The following GIGYF2 variants were observed in gnomAD, a reference collection of about 807,000 sequenced individuals.
GIGYF2 encodes GRB10-interacting GYF protein 2.
Under a neutral mutation model 208.1 loss-of-function variants are expected in GIGYF2, and 25 were observed. The ratio of observed to expected loss-of-function variants is 0.12; its 90% CI spans 0.09 to 0.17. The LOEUF is 0.17. Ranked by LOEUF, GIGYF2 falls within the 10% of genes least tolerant of loss-of-function variation. The probability of loss-of-function intolerance (pLI) is 1.00; values close to 1 mark genes in which losing one functional copy is unlikely to be tolerated. For missense variants in GIGYF2, 1,302 were observed against 1,579.4 expected (o/e 0.82, Z 2.98); for synonymous variants, 534 against 543.8 (o/e 0.98, Z 0.25).
chr2:232,821,243 C>T (rs968162065), intron 21 of GIGYF2, among the ~76,000 whole-genome samples: 1 of 152,200 alleles, frequency 6.6e-6, no homozygotes, highest in African/African-American at 2.4e-5. Flanking sequence ...CGCTCTGTTG[C>T]CCAGGCTGGA....
intron 2 of GIGYF2, among the ~76,000 whole-genome samples, chr2:232,710,950 C>T (rs1276139577): frequency 6.6e-6 from 1 of 151,924 alleles, no homozygotes; most frequent in Non-Finnish European, 1.5e-5. Context: ...ATCCACCCAC[C>T]TCAGCCTCCC....
At chr2:232,721,733 C>T (rs561279984) in intron 2 of GIGYF2, among the ~76,000 whole-genome samples, 2 of 152,284 alleles carry the variant, frequency 1.3e-5, no homozygotes, top group African/African-American at 4.8e-5. Flanking sequence ...ATGCATCTCT[C>T]TTCCCTTCCT....
intron 21 of GIGYF2, 70 bp from the exon 22 acceptor site, chr2:232,832,787 A>G: frequency 8.4e-7 from 1 of 1,193,640 alleles, no homozygotes; most frequent in East Asian, 2.5e-5. Context: ...AGAAGCTTTC[A>G]AAAGTGAGTC....
intron 2 of GIGYF2, among the ~76,000 whole-genome samples, chr2:232,720,583 A>ATATATATTT (rs376956632): frequency 1.0e-4 from 15 of 144,918 alleles, no homozygotes; most frequent in East Asian, 4.1e-4. Context: ...ATATATATAT[A>ATATATATTT]TTTTTGTTTG....
chr2:232,800,441 G>T (rs1700361736), intron 14 of GIGYF2, among the ~76,000 whole-genome samples: 1 of 151,866 alleles, frequency 6.6e-6, no homozygotes, highest in Admixed American at 6.5e-5. Context: ...ATGTACTCTG[G>T]TTCATTTTGG....
intron 14 of GIGYF2, among the ~76,000 whole-genome samples, chr2:232,799,427 G>A (rs1700323417): frequency 6.6e-6 from 1 of 151,752 alleles, no homozygotes; most frequent in Admixed American, 6.6e-5. Flanking sequence ...GTGTGTGCCT[G>A]TAGTCCCAAC....
At chr2:232,824,287 A>C (rs1271191949) in intron 21 of GIGYF2, among the ~76,000 whole-genome samples, 1 of 152,242 alleles carries the variant, frequency 6.6e-6, no homozygotes, top group Non-Finnish European at 1.5e-5. Context: ...GGCATGTCAG[A>C]AGCTGAGATA....
At chr2:232,735,810 A>T (rs1049634548) in intron 3 of GIGYF2, 3 of 985,510 alleles carry the variant, frequency 3.0e-6, no homozygotes, top group Non-Finnish European at 3.6e-6. Context: ...TTTGAGATCC[A>T]TCACATTGTA....
intron 2 of GIGYF2, among the ~76,000 whole-genome samples, chr2:232,712,016 C>T (rs1425135959): frequency 6.6e-6 from 1 of 151,986 alleles, no homozygotes; most frequent in African/African-American, 2.4e-5. Context: ...TCATTGAAAT[C>T]AGCACTTATC....
intron 13 of GIGYF2, 106 bp from the exon 14 acceptor site, chr2:232,795,956 T>G: frequency 2.5e-6 from 2 of 804,994 alleles, no homozygotes; most frequent in South Asian, 2.8e-5. Context: ...CATAGTGACT[T>G]TCATAGATCA....
intron 1 of GIGYF2, among the ~76,000 whole-genome samples, chr2:232,703,064 G>A (rs1559369282): frequency 6.6e-6 from 1 of 152,160 alleles, no homozygotes; most frequent in Non-Finnish European, 1.5e-5. Context: ...AGGATTACAG[G>A]CATGACCCAC....
intron 2 of GIGYF2, among the ~76,000 whole-genome samples, chr2:232,725,445 C>T (rs1697153904): frequency 6.6e-6 from 1 of 152,118 alleles, no homozygotes. Context: ...TTTTGGAGTC[C>T]TTATAATACA....
chr2:232,715,589 A>C (rs1161029863), intron 2 of GIGYF2, among the ~76,000 whole-genome samples: 4 of 152,164 alleles, frequency 2.6e-5, no homozygotes, highest in African/African-American at 9.7e-5. Context: ...GGAAAAAAAA[A>C]AAAAAGTTCT....
intron 21 of GIGYF2, among the ~76,000 whole-genome samples, chr2:232,820,553 A>G (rs1408986913): frequency 3.3e-5 from 5 of 151,902 alleles, no homozygotes; most frequent in Non-Finnish European, 1.5e-5. Flanking sequence ...TGACCTCATG[A>G]TCCACCCGCC....
intron 12 of GIGYF2, 95 bp downstream of exon 12, chr2:232,791,541 G>T: frequency 1.0e-6 from 1 of 1,004,682 alleles, no homozygotes; most frequent in Non-Finnish European, 1.5e-6. Flanking sequence ...TCCTAGAACT[G>T]CTTTTAGTGG....
chr2:232,711,552 G>A (rs773117643), intron 2 of GIGYF2, among the ~76,000 whole-genome samples: 3 of 151,030 alleles, frequency 2.0e-5, no homozygotes, highest in Non-Finnish European at 3.0e-5. Context: ...CTAAAAATTT[G>A]TTGATAAAAT....
chr2:232,754,079 C>T (rs1011416917), intron 5 of GIGYF2, among the ~76,000 whole-genome samples: 1 of 151,770 alleles, frequency 6.6e-6, no homozygotes, highest in Non-Finnish European at 1.5e-5. Context: ...CCAGGAGAAT[C>T]GCTTGAACCT....
chr2:232,842,215 G>A (rs1701840710), intron 23 of GIGYF2, among the ~76,000 whole-genome samples: 1 of 152,032 alleles, frequency 6.6e-6, no homozygotes, highest in Middle Eastern at 3.2e-3. Context: ...GTTAGAGACA[G>A]GGTCTTGCTC....
intron 2 of GIGYF2, among the ~76,000 whole-genome samples, chr2:232,707,409 CT>C (rs1224164477): frequency 6.6e-6 from 1 of 152,140 alleles, no homozygotes; most frequent in Non-Finnish European, 1.5e-5. Context: ...TGTCTTGGTA[CT>C]TTCTACTTGA....
Sources: gnomAD v4.1 joint callset for allele counts (sites outside exome capture counted in the v4.1 genomes callset) on GRCh38, gnomAD v4.1.1 for gene constraint, MANE v1.5 for transcripts, NCBI Gene and HGNC (gene_info 2026-07-23, HGNC 2026-07-21) for gene names.